Variants in ASTN2 observed in about 807,000 individuals in gnomAD.
ASTN2 encodes astrotactin 2.
ASTN2 carries 54 observed loss-of-function variants against 139.8 expected under a neutral mutation model. The ratio of observed to expected loss-of-function variants is 0.39; its 90% CI spans 0.31 to 0.48. The LOEUF (loss-of-function observed/expected upper bound fraction) is 0.48. Among genes scored for constraint, ASTN2 ranks in the 20% least tolerant of loss-of-function variants. ASTN2 has a pLI of 0.95. For missense variants in ASTN2, 1,565 were observed against 1,725.1 expected, an observed-to-expected ratio of 0.91 and a Z score of 1.64; for synonymous variants, 756 against 719.5, an observed-to-expected ratio of 1.05 and a Z score of -0.81.
intron 16 of ASTN2, among the ~76,000 whole-genome samples, chr9:116,718,277 G>GA (rs1343542570): frequency 6.6e-6 from 1 of 151,452 alleles, no homozygotes; most frequent in Admixed American, 6.6e-5. Flanking sequence ...TCTAGGACTT[G>GA]AAGGAAGGTC....
At chr9:117,351,773 C>G (rs1431795919) in intron 1 of ASTN2, among the ~76,000 whole-genome samples, 1 of 152,000 alleles carries the variant, frequency 6.6e-6, no homozygotes, top group Non-Finnish European at 1.5e-5. Context: ...TTCATGTGTG[C>G]TTTAGATGCT....
chr9:117,391,926 C>T (rs952197659), intron 1 of ASTN2, among the ~76,000 whole-genome samples: 22 of 152,234 alleles, frequency 1.4e-4, no homozygotes, highest in African/African-American at 3.1e-4. Context: ...GTCTGAAATC[C>T]GGCAGAATAG....
chr9:116,916,833 A>AAAAAAC (rs147517095), intron 10 of ASTN2, among the ~76,000 whole-genome samples: 2 of 152,022 alleles, frequency 1.3e-5, no homozygotes, highest in Non-Finnish European at 2.9e-5. Context: ...CCCAGTCTCA[A>AAAAAAC]AAAAACAAAA....
rs556872357 is a variant in ASTN2 at position 117,185,025 on chromosome 9, C to T, written c.1015+29333G>A. ...TAAAAGAGGTTAGTTACTCTGTCCA[C>T]GATTGAGGCACTGTATGGGCACACG... On this transcript the variant is annotated intron_variant, in intron 3 of 22. Coordinates refer to ENST00000313400, the MANE Select transcript of ASTN2 (RefSeq NM_001365068.1). Among the ~76,000 whole-genome samples, 11 of 152,298 alleles carry T rather than the reference C, an allele frequency of 7.2e-5. No individual in the cohort carries two copies. The South Asian group carries it at 1.2e-3, about 17-fold the overall frequency.
intron 10 of ASTN2, among the ~76,000 whole-genome samples, chr9:116,879,981 A>T (rs1833409921): frequency 6.6e-6 from 1 of 152,230 alleles, no homozygotes; most frequent in South Asian, 2.1e-4. Context: ...AAATGTATTT[A>T]AAAATCAATT....
chr9:116,596,018 G>A (rs1363230414), intron 19 of ASTN2, among the ~76,000 whole-genome samples: 2 of 152,166 alleles, frequency 1.3e-5, no homozygotes, highest in Non-Finnish European at 2.9e-5. Context: ...CCAAGATAGA[G>A]AAATAACCCA....
chr9:116,580,320 A>G (rs1853898561), intron 19 of ASTN2, among the ~76,000 whole-genome samples: 1 of 152,120 alleles, frequency 6.6e-6, no homozygotes, highest in Non-Finnish European at 1.5e-5. Context: ...GTAGGTCTCT[A>G]ATAGAGGGGC....
chr9:117,373,206 A>G (rs1367940171), intron 1 of ASTN2, among the ~76,000 whole-genome samples: 1 of 152,216 alleles, frequency 6.6e-6, no homozygotes, highest in Non-Finnish European at 1.5e-5. Context: ...TTACAGATGC[A>G]GAAATTATGG....
chr9:116,880,326 C>T (rs1833421138), intron 10 of ASTN2, among the ~76,000 whole-genome samples: 1 of 152,114 alleles, frequency 6.6e-6, no homozygotes, highest in African/African-American at 2.4e-5. Flanking sequence ...CCAACAATGA[C>T]ACTTTATTGG....
chr9:117,068,261 A>T (rs1157229915), intron 5 of ASTN2, among the ~76,000 whole-genome samples: 1 of 81,648 alleles, frequency 1.2e-5, no homozygotes, highest in Non-Finnish European at 2.5e-5. Context: ...ATCTATTGAG[A>T]TAATCATGTG....
intron 10 of ASTN2, among the ~76,000 whole-genome samples, chr9:116,965,619 C>A (rs1016375025): frequency 6.6e-6 from 1 of 152,182 alleles, no homozygotes; most frequent in Non-Finnish European, 1.5e-5. Flanking sequence ...TTATCTAACT[C>A]CCTCAACTTT....
At chr9:117,241,931 C>CA (rs1833220939) in intron 2 of ASTN2, among the ~76,000 whole-genome samples, 4 of 149,882 alleles carry the variant, frequency 2.7e-5, no homozygotes, top group African/African-American at 1.0e-4. Context: ...GTTACCCCCC[C>CA]CCACACACAC....
intron 19 of ASTN2, among the ~76,000 whole-genome samples, chr9:116,494,864 C>T (rs535817566): frequency 6.6e-6 from 1 of 152,260 alleles, no homozygotes; most frequent in African/African-American, 2.4e-5. Context: ...CTCCAGACTG[C>T]GAGATGCCTG....
At chr9:116,923,231 T>C (rs1834663361) in intron 10 of ASTN2, among the ~76,000 whole-genome samples, 1 of 152,240 alleles carries the variant, frequency 6.6e-6, no homozygotes, top group Non-Finnish European at 1.5e-5. Flanking sequence ...CTGGAAGTCC[T>C]TCCTGTGCTG....
intron 3 of ASTN2, among the ~76,000 whole-genome samples, chr9:117,182,095 C>T (rs1036199598): frequency 1.3e-5 from 2 of 152,156 alleles, no homozygotes; most frequent in African/African-American, 4.8e-5. Context: ...TAATGGGGTG[C>T]CAGCAGCCAT....
At chr9:116,643,092 G>A (rs982091721) in intron 17 of ASTN2, among the ~76,000 whole-genome samples, 4 of 152,170 alleles carry the variant, frequency 2.6e-5, no homozygotes, top group Admixed American at 2.0e-4. Flanking sequence ...AATTTGTAAA[G>A]TAAGCATAAT....
chr9:116,595,646 G>A (rs751767225), intron 19 of ASTN2, among the ~76,000 whole-genome samples: 1 of 151,914 alleles, frequency 6.6e-6, no homozygotes, highest in Non-Finnish European at 1.5e-5. Context: ...ATTCTTGTTT[G>A]GGCTCCGTTT....
intron 16 of ASTN2, among the ~76,000 whole-genome samples, chr9:116,656,857 T>C (rs1447630672): frequency 1.3e-5 from 2 of 152,160 alleles, no homozygotes; most frequent in African/African-American, 4.8e-5. Flanking sequence ...TTGTTCAATA[T>C]TCGGCAACGG....
intron 1 of ASTN2, among the ~76,000 whole-genome samples, chr9:117,311,209 C>T (rs189011832): frequency 7.2e-6 from 1 of 138,548 alleles, no homozygotes; most frequent in Non-Finnish European, 1.5e-5. Flanking sequence ...GGCAAGCCCT[C>T]AATAAATGGT....
Sources: allele counts gnomAD v4.1 joint callset (sites outside exome capture counted in the v4.1 genomes callset), GRCh38; gene constraint gnomAD v4.1.1; transcripts MANE v1.5; gene names NCBI Gene and HGNC (gene_info 2026-07-23, HGNC 2026-07-21).